SORCS1: variants seen among roughly 807,000 people sequenced by gnomAD.
SORCS1 encodes sortilin related VPS10 domain containing receptor 1, also known as VPS10 domain-containing receptor SorCS1.
A neutral mutation model predicts 146.1 loss-of-function variants in SORCS1; 60 were observed. The observed-to-expected ratio is 0.41, with a 90% CI of 0.33 to 0.51. The LOEUF is 0.51. Ranked by LOEUF, SORCS1 falls within the 20% of genes least tolerant of loss-of-function variation. SORCS1 has a pLI of 0.21. For missense variants in SORCS1, 1,352 were observed against 1,487.6 expected (o/e 0.91, Z 1.50); for synonymous variants, 637 against 584.0 (o/e 1.09, Z -1.31).
chr10:107,046,198 C>T (rs1421371406), intron 1 of SORCS1, among the ~76,000 whole-genome samples: 1 of 152,068 alleles, frequency 6.6e-6, no homozygotes, highest in East Asian at 1.9e-4. Flanking sequence ...CCCACCTTGG[C>T]CTCCCAAAGT....
At chr10:106,632,743 A>G (rs1371290385) in intron 18 of SORCS1, among the ~76,000 whole-genome samples, 7 of 152,232 alleles carry the variant, frequency 4.6e-5, no homozygotes, top group Non-Finnish European at 7.3e-5. Flanking sequence ...TGCAAAAAAA[A>G]TTATTGCAGG....
the SORCS1 span, among the ~76,000 whole-genome samples, chr10:107,179,664 A>G: frequency 1.3e-5 from 2 of 152,134 alleles, no homozygotes; most frequent in Non-Finnish European, 2.9e-5. Flanking sequence ...TTAAATTTGC[A>G]TTTCTCTTAT....
chr10:106,868,376 A>G (rs536618167), intron 2 of SORCS1, among the ~76,000 whole-genome samples: 4 of 152,128 alleles, frequency 2.6e-5, no homozygotes, highest in Non-Finnish European at 4.4e-5. Context: ...CTCTCCACCC[A>G]AAAACAACAG....
intron 2 of SORCS1, among the ~76,000 whole-genome samples, chr10:106,891,552 T>C (rs1951238102): frequency 7.1e-6 from 1 of 140,784 alleles, no homozygotes; most frequent in East Asian, 2.2e-4. Context: ...CTGGCTGAAG[T>C]GCAGTGGCAT....
intron 7 of SORCS1, among the ~76,000 whole-genome samples, chr10:106,706,931 T>C (rs746332817): frequency 7.2e-5 from 11 of 152,302 alleles, no homozygotes; most frequent in South Asian, 4.1e-4. Flanking sequence ...CATTGGCTGA[T>C]TGCCATCACC....
intron 1 of SORCS1, among the ~76,000 whole-genome samples, chr10:106,979,728 G>GT (rs1375821986): frequency 6.6e-6 from 1 of 152,136 alleles, no homozygotes; most frequent in Non-Finnish European, 1.5e-5. Flanking sequence ...GCCATCACTC[G>GT]TGTGGCCCTC....
At chr10:107,118,860 T>A (rs1320913785) in intron 1 of SORCS1, among the ~76,000 whole-genome samples, 1 of 152,154 alleles carries the variant, frequency 6.6e-6, no homozygotes, top group Non-Finnish European at 1.5e-5. Flanking sequence ...ACATGACATG[T>A]AAAACTTCCA....
chr10:106,811,026 C>T (rs530962175), intron 3 of SORCS1, among the ~76,000 whole-genome samples: 14 of 151,820 alleles, frequency 9.2e-5, no homozygotes, highest in South Asian at 2.1e-4. Flanking sequence ...CTGCAACCTC[C>T]GCCTCCTGGG....
intron 1 of SORCS1, among the ~76,000 whole-genome samples, chr10:107,147,888 A>G (rs1316508002): frequency 2.6e-5 from 4 of 152,142 alleles, no homozygotes; most frequent in Non-Finnish European, 4.4e-5. Context: ...CCCGGCACAT[A>G]AGATCAGATA....
intron 5 of SORCS1, among the ~76,000 whole-genome samples, chr10:106,732,190 C>T (rs1564908967): frequency 6.6e-6 from 1 of 152,304 alleles, no homozygotes; most frequent in African/African-American, 2.4e-5. Context: ...ACATTAAATC[C>T]TACTTTGTTC....
At chr10:106,639,974 C>T (rs1848964318) in intron 18 of SORCS1, among the ~76,000 whole-genome samples, 2 of 151,890 alleles carry the variant, frequency 1.3e-5, no homozygotes, top group East Asian at 1.9e-4. Flanking sequence ...GCCAAGATCA[C>T]GCCAATGCAC....
chr10:106,582,784 T>C (rs1844999889), intron 24 of SORCS1, among the ~76,000 whole-genome samples: 3 of 152,198 alleles, frequency 2.0e-5, no homozygotes, highest in South Asian at 4.1e-4. Flanking sequence ...CTTGCACATA[T>C]CATTTCTAAA....
At chr10:107,163,595 G>A (rs1275371738) in intron 1 of SORCS1, among the ~76,000 whole-genome samples, 1 of 152,218 alleles carries the variant, frequency 6.6e-6, no homozygotes, top group Non-Finnish European at 1.5e-5. Flanking sequence ...TAAAGGGAAA[G>A]TCACTTGAGG....
chr10:106,878,646 A>ATATATATATATATATATTTATT (rs1200849744), intron 2 of SORCS1, among the ~76,000 whole-genome samples: 9 of 117,886 alleles, frequency 7.6e-5, no homozygotes, highest in Non-Finnish European at 1.5e-4. Flanking sequence ...ATATATATAT[A>ATATATATATATATATATTTATT]TATTTTATAG....
At chr10:106,803,938 G>T (rs1305719817) in intron 3 of SORCS1, among the ~76,000 whole-genome samples, 1 of 152,132 alleles carries the variant, frequency 6.6e-6, no homozygotes, top group Non-Finnish European at 1.5e-5. Flanking sequence ...GTGAACAAAA[G>T]TGACACACGA....
At chr10:106,731,964 C>A (rs1013083086) in intron 5 of SORCS1, among the ~76,000 whole-genome samples, 1 of 152,006 alleles carries the variant, frequency 6.6e-6, no homozygotes, top group Non-Finnish European at 1.5e-5. Context: ...TAAAGGTCTG[C>A]GGGTTTTCTG....
chr10:107,068,861 C>T (rs535893795), intron 1 of SORCS1, among the ~76,000 whole-genome samples: 1 of 126,464 alleles, frequency 7.9e-6, no homozygotes, highest in East Asian at 2.5e-4. Context: ...CAGAGCGAGA[C>T]TCCGTCTCAA....
intron 1 of SORCS1, among the ~76,000 whole-genome samples, chr10:107,157,654 C>T (rs561884649): frequency 3.9e-5 from 6 of 152,310 alleles, no homozygotes; most frequent in Non-Finnish European, 8.8e-5. Context: ...AGAGCATCCA[C>T]GTCCTTTTTT....
rs369281793 is a variant in SORCS1 at position 106,745,195 on chromosome 10, A to C, written c.960-15081T>G. On this transcript the variant is annotated intron_variant, in intron 5 of 25. Transcript: ENST00000263054. ...GCACTTTGGGAGGCCGGGCAGACCA[A>C]GAGGTCAGGAGATCAAGACCATCCT... Among the ~76,000 whole-genome samples, 549 of 152,038 alleles carry C rather than the reference A, an allele frequency of 3.6e-3. 9 individuals carry two copies. The highest frequency in any genetic ancestry group is 0.013 in the African/African-American group (530 of 41,484).
Sources: gnomAD v4.1 joint callset for allele counts (sites outside exome capture counted in the v4.1 genomes callset) on GRCh38, gnomAD v4.1.1 for gene constraint, MANE v1.5 for transcripts, NCBI Gene and HGNC (gene_info 2026-07-23, HGNC 2026-07-21) for gene names.